VWA5B2: variants seen among roughly 807,000 people sequenced by gnomAD.
The protein encoded by VWA5B2 is von Willebrand factor A domain containing 5B2.
In VWA5B2, 93 loss-of-function variants were observed where a neutral mutation model predicts 118.5. The ratio of observed to expected loss-of-function variants is 0.79; its 90% CI spans 0.66 to 0.93. The LOEUF is 0.93. VWA5B2 is among the 40% of genes least tolerant of loss of function. The pLI is 0.00. For missense variants in VWA5B2, 1,546 were observed against 1,672.8 expected (o/e 0.92, Z 1.32); for synonymous variants, 708 against 716.3 (o/e 0.99, Z 0.19).
chr3:184,241,662 A>G lies in VWA5B2; in HGVS notation c.3353A>G (p.Gln1118Arg), dbSNP rs989362263. 3 of 1,533,788 alleles carry G rather than the reference A, an allele frequency of 2.0e-6. No individual in the cohort carries two copies. Among genetic ancestry groups the G allele is most frequent in the South Asian group, 1.2e-5 (1 of 83,812 alleles). Residue 1118 changes from glutamine to arginine, a missense_variant, in exon 20 of 20, where the codon CAG (glutamine) becomes CGG (arginine). Physicochemically the swap from Gln to Arg is conservative, Grantham distance 43 (BLOSUM62 1). Around this residue, in one of 3 missense-constraint regions of VWA5B2, gnomAD observed 763 missense variants for 766.6 expected, o/e 1.00. Transcript: ENST00000691901. This position sits in a 1 kb window ranked among gnomAD's most constrained non-coding sequence, Gnocchi z 5.1. ...GCACTTCTGGGCCCTGGTGTTGGCC[A>G]GGGTGACAGTGCCACGGCCTCCTGC... ...PWALLGPGVG[Q>R]GDSATASCSP... is the part of the protein sequence containing the mutation.
Position 184,233,498 on chromosome 3 carries a change from G to T in VWA5B2, c.531-78G>T. 1 of 1,513,200 alleles carries T rather than the reference G, an allele frequency of 6.6e-7. No individual in the cohort carries two copies. Among genetic ancestry groups the T allele is most frequent in the Non-Finnish European group, 8.9e-7 (1 of 1,127,532 alleles). The allele number at this position is 1,513,200 out of a possible 1,614,324, so 93.7% of individuals were successfully genotyped here. ...GGTACCCAGGGATGGGAAGGGTGAG[G>T]AAGGGCTGGGGCCAGTCAGCCGGAG... On this transcript the variant is annotated intron_variant, in intron 4 of 19. Transcript: ENST00000691901. The surrounding 1 kb of genome is among the most constrained non-coding windows in gnomAD (Gnocchi z 5.2).
chr3:184,231,506 C>A (rs980245025), intron 3 of VWA5B2, among the ~76,000 whole-genome samples: 3 of 152,348 alleles, frequency 2.0e-5, no homozygotes, highest in Non-Finnish European at 4.4e-5. Flanking sequence ...CCTAGGGAAA[C>A]CCTCCCTGAC....
At chr3:184,236,844 G>T in intron 11 of VWA5B2, 95 bp downstream of exon 11, 1 of 1,093,488 alleles carries the variant, frequency 9.1e-7, no homozygotes, top group Non-Finnish European at 1.3e-6. Flanking sequence ...GGCCATGGGG[G>T]CTCCTGGCGC....
chr3:184,230,829 G>C lies in VWA5B2; in HGVS notation c.222G>C (p.Gln74His), dbSNP rs1428588412. 8.0e-7 allele frequency: 1 copy of C among 1,254,874 alleles called. No individual in the cohort carries two copies. Among genetic ancestry groups the C allele is most frequent in the East Asian group, 3.3e-5 (1 of 30,194 alleles). 77.7% of individuals were successfully genotyped at this position (1,254,874 alleles called of 1,614,324 possible). ...CCGCCGGACGGCGCGTCTCCTTCCA[G>C]CTGCAGAGCCGGCGCCGCTCGCAGG... ...AEAAGRRVSF[Q>H]LQSRRRSQAA... Residue 74 changes from glutamine (Q) to histidine (H), a missense_variant, in exon 3 of 20, where the codon CAG becomes CAC. By Grantham distance (24) the Gln-to-His change is conservative. Transcript: ENST00000691901.
chr3:184,233,362 G>A lies in VWA5B2; in HGVS notation c.495G>A (p.Pro165=), dbSNP rs534550936. The part of the protein sequence containing the change: ...VLTPLAPPGP[P]GPPRPPGLCD... ...CCCCGCTGGCCCCGCCAGGCCCGCC[G>A]GGGCCCCCCAGGCCTCCGGGGCTCT... The change falls in exon 4 of 20, where the codon CCG becomes CCA. Residue 165 remains proline, a synonymous_variant. Transcript: ENST00000691901. The surrounding 1 kb of genome is among the most constrained non-coding windows in gnomAD (Gnocchi z 5.2). 407 of 1,539,590 alleles carry A rather than the reference G, an allele frequency of 2.6e-4. No homozygotes were observed. Among genetic ancestry groups the A allele is most frequent in the East Asian group, 2.5e-3 (103 of 40,808 alleles).
chr3:184,241,828 C>A lies in VWA5B2; in HGVS notation c.3519C>A (p.Leu1173=). ...GGACCTGGGCCACTGCCGTAGCACTCGCCTGGCTGGAGCACCGATGCGCCG... is the reference window on the plus strand; with the variant it reads ...GGACCTGGGCCACTGCCGTAGCACTAGCCTGGCTGGAGCACCGATGCGCCG... ...RGRTWATAVA[L]AWLEHRCAAA... The change falls in exon 20 of 20, where the codon CTC becomes CTA. Residue 1173 remains leucine (L), a synonymous_variant. Transcript: ENST00000691901. This position sits in a 1 kb window ranked among gnomAD's most constrained non-coding sequence, Gnocchi z 5.1. The A allele has an allele frequency of 6.5e-7, 1 of 1,527,686 alleles. No individual in the cohort carries two copies. 94.6% of individuals were successfully genotyped at this position (1,527,686 alleles called of 1,614,324 possible). A position where few individuals can be genotyped will look rare whatever the true frequency, so the allele number is the denominator to read the frequency against.
Position 184,237,426 on chromosome 3 carries a change from G to A in VWA5B2, c.1719+15G>A, listed in dbSNP as rs149741666. ...GCCCACCAGGGGTAAGCTTGGGCTG[G>A]GGTGTGGTAGGGGGGCTAGGGTGAG... On this transcript the variant is annotated intron_variant, in intron 12 of 19. Transcript: ENST00000691901. The surrounding 1 kb of genome is among the most constrained non-coding windows in gnomAD (Gnocchi z 5.6). 1.7e-4 allele frequency: 258 copies of A among 1,541,926 alleles called. 4 individuals carry two copies. The Middle Eastern group carries it at 4.2e-3, about 25-fold the overall frequency.
Position 184,241,262 on chromosome 3 carries a change from C to T in VWA5B2, c.3038C>T (p.Pro1013Leu). ...AACTCCAAGCGTGCTTTGGGGGACC[C>T]TGCCACTCCCACGGAAGGTCCTCGC... ...NGNSKRALGD[P>L]ATPTEGPRRP... Residue 1013 changes from proline (P) to leucine (L), a missense_variant, in exon 19 of 20, where the codon CCT (proline) becomes CTT (leucine). Pro to Leu is a moderately conservative substitution (Grantham distance 98). Coordinates refer to ENST00000691901, the MANE Select transcript of VWA5B2 (RefSeq NM_001390846.1). This position sits in a 1 kb window ranked among gnomAD's most constrained non-coding sequence, Gnocchi z 5.1. 6.4e-7 allele frequency: 1 copy of T among 1,551,352 alleles called. No homozygotes were observed. The highest frequency in any genetic ancestry group is 8.7e-7 in the Non-Finnish European group (1 of 1,146,976).
chr3:184,234,076 G>C (rs939397152), intron 5 of VWA5B2, among the ~76,000 whole-genome samples, 190 bp from the exon 6 acceptor site: 1 of 152,108 alleles, frequency 6.6e-6, no homozygotes, highest in Non-Finnish European at 1.5e-5. Context: ...ATGACTCTTC[G>C]ACCAGCCAGA....
In VWA5B2 at chr3:184,238,899, C is replaced by T. The variant is rs1413811429; in HGVS notation, c.2202+26C>T. 6.9e-7 allele frequency: 1 copy of T among 1,457,542 alleles called. No homozygotes were observed. Among genetic ancestry groups the T allele is most frequent in the Non-Finnish European group, 9.1e-7 (1 of 1,099,122 alleles). 90.3% of individuals were successfully genotyped at this position (1,457,542 alleles called of 1,614,324 possible). ...GTGAGATCCAACCCACATTCATTCG[C>T]CTTGTATCCAGCAAATATTTATTTA... On this transcript the variant is annotated intron_variant, in intron 14 of 19. Coordinates refer to ENST00000691901, the MANE Select transcript of VWA5B2 (RefSeq NM_001390846.1). This position sits in a 1 kb window ranked among gnomAD's most constrained non-coding sequence, Gnocchi z 5.0.
At position 184,233,840 on chromosome 3, in the gene VWA5B2, G is replaced by A; in HGVS notation, c.688+107G>A. On this transcript the variant is annotated intron_variant, in intron 5 of 19. Coordinates refer to ENST00000691901, the MANE Select transcript of VWA5B2 (RefSeq NM_001390846.1). This position sits in a 1 kb window ranked among gnomAD's most constrained non-coding sequence, Gnocchi z 5.2. ...GGATAGGAGGGACACAGGACAAAAAGACAGGGACCCCAGCCTCCGGAACAT... is the reference window on the plus strand; with the variant it reads ...GGATAGGAGGGACACAGGACAAAAAAACAGGGACCCCAGCCTCCGGAACAT... The A allele has an allele frequency of 2.8e-6, 4 of 1,429,124 alleles. No individual in the cohort carries two copies. Among genetic ancestry groups the A allele is most frequent in the Non-Finnish European group, 3.7e-6 (4 of 1,073,060 alleles). The allele number at this position is 1,429,124 out of a possible 1,614,324, so 88.5% of individuals were successfully genotyped here.
Position 184,241,990 on chromosome 3 carries a change from C to T in VWA5B2, c.3681C>T (p.Asp1227=). The stretch of plus-strand genomic sequence containing the variant: ...TCTTCCTGCTACTGCGCCACTGGGA[C>T]CAAAACCTGCAGCTACACCTGCTGT... ...RGLFLLLRHW[D]QNLQLHLLCY... The change falls in exon 20 of 20, where the codon GAC becomes GAT. Residue 1227 remains aspartate (D), a synonymous_variant. Coordinates refer to ENST00000691901, the MANE Select transcript of VWA5B2 (RefSeq NM_001390846.1). This position sits in a 1 kb window ranked among gnomAD's most constrained non-coding sequence, Gnocchi z 5.1. 6.4e-7 allele frequency: 1 copy of T among 1,550,430 alleles called. No individual in the cohort carries two copies. Among genetic ancestry groups the T allele is most frequent in the South Asian group, 1.2e-5 (1 of 84,062 alleles).
rs777601016 is a variant in VWA5B2, at chr3:184,241,931, G to T, written c.3622G>T (p.Asp1208Tyr). The T allele has an allele frequency of 1.3e-6, 2 of 1,549,250 alleles. No homozygotes were observed. Among genetic ancestry groups the T allele is most frequent in the Admixed American group, 3.9e-5 (2 of 51,000 alleles). ...LRAQHLPDGLDLAALKAAARG... is the reference protein window; with the variant it reads ...LRAQHLPDGLYLAALKAAARG... ...GGCCCAGCACTTGCCTGACGGCCTT[G>T]ACCTGGCCGCCCTCAAGGCCGCAGC... Residue 1208 changes from aspartate to tyrosine, a missense_variant, in exon 20 of 20, where the codon GAC becomes TAC. Physicochemically the swap from Asp to Tyr is radical, Grantham distance 160. Coordinates refer to ENST00000691901, the MANE Select transcript of VWA5B2 (RefSeq NM_001390846.1). The surrounding 1 kb of genome is among the most constrained non-coding windows in gnomAD (Gnocchi z 5.1).
In VWA5B2 at chr3:184,236,563, G is replaced by A; in HGVS notation, c.1421+12G>A. 6.4e-7 allele frequency: 1 copy of A among 1,550,672 alleles called. No individual in the cohort carries two copies. Among genetic ancestry groups the A allele is most frequent in the Non-Finnish European group, 8.7e-7 (1 of 1,146,486 alleles). On this transcript the variant is annotated intron_variant, in intron 10 of 19. Transcript: ENST00000691901. ...AGGGGGACAGCCAGGTATGGGATGG[G>A]CAGAACCAGATGCGTAAGACTGAGC...
Position 184,237,330 on chromosome 3 carries a change from C to T in VWA5B2, c.1638C>T (p.Ile546=). 1 of 1,551,384 alleles carries T rather than the reference C, an allele frequency of 6.4e-7. No homozygotes were observed. Among genetic ancestry groups the T allele is most frequent in the Non-Finnish European group, 8.7e-7 (1 of 1,146,956 alleles). ...TVEALLTPRE[I]PALYPGDQLL... Reference sequence around the variant, plus strand: ...AGGCACTGCTGACCCCCCGGGAGATCCCAGCACTCTACCCTGGGGACCAGC... The same window carrying T: ...AGGCACTGCTGACCCCCCGGGAGATTCCAGCACTCTACCCTGGGGACCAGC... The change falls in exon 12 of 20, where the codon ATC becomes ATT. Residue 546 remains isoleucine (I), a synonymous_variant. Transcript: ENST00000691901. The surrounding 1 kb of genome is among the most constrained non-coding windows in gnomAD (Gnocchi z 5.6).
Position 184,230,681 on chromosome 3 carries a change from G to GGGGCGC in VWA5B2, c.139+23_139+28dup. The GGGGCGC allele has an allele frequency of 5.7e-6, 7 of 1,238,888 alleles. No homozygotes were observed. In the South Asian group the frequency reaches 2.1e-4, roughly 37 times the overall value. The allele number at this position is 1,238,888 out of a possible 1,614,324, so 76.7% of individuals were successfully genotyped here. On this transcript the variant is annotated intron_variant, in intron 2 of 19. Coordinates refer to ENST00000691901, the MANE Select transcript of VWA5B2 (RefSeq NM_001390846.1). Reference sequence around the variant, plus strand: ...AGCCGGTGGACGGTGAGGCCCGGGTGGGGCGCGGGCGCGGCGGGGGGTGCG... The same window carrying GGGGCGC: ...AGCCGGTGGACGGTGAGGCCCGGGTGGGGCGCGGGCGCGGGCGCGGCGGGGGGTGCG...
Position 184,230,648 on chromosome 3 carries a change from GC to G in VWA5B2, c.121del (p.Gln41SerfsTer90). The stretch of plus-strand genomic sequence containing the variant: ...GGGCCCGGCTCACCTACCGCAACCC[GC>G]AGCCGCAGCCGGTGGACGGTGAGGC... ...VRARLTYRNPQPQPVDGVFVY... is the reference protein window; with the variant it reads ...VRARLTYRNPXPQPVDGVFVY... On this transcript the variant is annotated frameshift_variant, in exon 2 of 20. Coordinates refer to ENST00000691901, the MANE Select transcript of VWA5B2 (RefSeq NM_001390846.1). LOFTEE classifies it high-confidence loss of function. 1 of 1,329,752 alleles carries G rather than the reference GC, an allele frequency of 7.5e-7. No individual in the cohort carries two copies. The highest frequency in any genetic ancestry group is 9.6e-7 in the Non-Finnish European group (1 of 1,043,298). 82.4% of individuals were successfully genotyped at this position (1,329,752 alleles called of 1,614,324 possible). A position where few individuals can be genotyped will look rare whatever the true frequency, so the allele number is the denominator to read the frequency against.
Position 184,241,353 on chromosome 3 carries a change from CCCG to C in VWA5B2, c.3130_3132del (p.Pro1044del). The C allele has an allele frequency of 6.4e-7, 1 of 1,554,142 alleles. No individual in the cohort carries two copies. Among genetic ancestry groups the C allele is most frequent in the Non-Finnish European group, 8.7e-7 (1 of 1,148,510 alleles). On this transcript the variant is annotated inframe_deletion, in exon 19 of 20. Transcript: ENST00000691901. This position sits in a 1 kb window ranked among gnomAD's most constrained non-coding sequence, Gnocchi z 5.1. ...GCCGTCACAAACTCTGTAGCCCTGACCCGGGCCAGGCCAACAACAGTGAAGGCA... is the reference window on the plus strand; with the variant it reads ...GCCGTCACAAACTCTGTAGCCCTGACGGCCAGGCCAACAACAGTGAAGGCA...
At chr3:184,240,381 A>AG (rs1718450546) in intron 16 of VWA5B2, 2 of 346,680 alleles carry the variant, frequency 5.8e-6, no homozygotes, top group Non-Finnish European at 1.0e-5. Context: ...ATTTAGGAAA[A>AG]TACTTAAAGT....
Sources: allele counts gnomAD v4.1 joint callset (sites outside exome capture counted in the v4.1 genomes callset), GRCh38; gene constraint gnomAD v4.1.1; regional missense constraint gnomAD v4.1.1; non-coding constraint Gnocchi (gnomAD v3.1); transcripts MANE v1.5; gene names NCBI Gene and HGNC (gene_info 2026-07-23, HGNC 2026-07-21).